The following ACSL4 variants were observed in gnomAD, a reference collection of about 807,000 sequenced individuals.
The protein encoded by ACSL4 is long-chain-fatty-acid--CoA ligase 4.
In ACSL4, 9 loss-of-function variants were observed where a neutral mutation model predicts 49.1. That is an observed-to-expected ratio of 0.18 (90% CI 0.11 to 0.32). The LOEUF (loss-of-function observed/expected upper bound fraction) is 0.32. Among genes scored for constraint, ACSL4 ranks in the 10% least tolerant of loss-of-function variants. The pLI is 1.00. For synonymous variants in ACSL4, 191 were observed against 170.3 expected (o/e 1.12, Z -0.95); for missense variants, 333 against 493.7 (o/e 0.67, Z 3.08).
chrX:109,643,934 C>T lies in ACSL4; in HGVS notation c.*95G>A, dbSNP rs1033848425. The stretch of plus-strand genomic sequence containing the variant: ...TTTACTCTATCTTTAGAATGATATA[C>T]CTTACATTCTAACAGTTCAACAAAG... On this transcript the variant is annotated 3_prime_UTR_variant, in exon 16 of 16. Transcript: ENST00000672401. The T allele has an allele frequency of 1.0e-6, 1 of 954,171 alleles. No individual in the cohort carries two copies. The highest frequency in any genetic ancestry group is 1.5e-6 in the Non-Finnish European group (1 of 664,021). The allele number at this position is 954,171 out of a possible 1,213,427, so 78.6% of individuals were successfully genotyped here.
chrX:109,686,772 G>A (rs1010638971), intron 2 of ACSL4, among the ~76,000 whole-genome samples: 3 of 103,649 alleles, frequency 2.9e-5, no homozygotes, highest in Non-Finnish European at 3.9e-5. Context: ...ACACACACAC[G>A]CATGCACACA....
At chrX:109,668,076 T>A (rs1603402749) in intron 11 of ACSL4, 25 bp downstream of exon 11, 1 of 1,141,756 alleles carries the variant, frequency 8.8e-7, no homozygotes, top group Non-Finnish European at 1.2e-6. Context: ...TGATACAGAA[T>A]ATTTACCACA....
intron 2 of ACSL4, among the ~76,000 whole-genome samples, chrX:109,693,634 T>C (rs1378545829): frequency 8.9e-6 from 1 of 112,339 alleles, no homozygotes; most frequent in African/African-American, 3.2e-5. Flanking sequence ...TCCCTCCACA[T>C]TCATTTGTTT....
chrX:109,711,347 T>C (rs772881238), intron 1 of ACSL4, among the ~76,000 whole-genome samples: 4 of 112,200 alleles, frequency 3.6e-5, no homozygotes, highest in African/African-American at 1.3e-4. Context: ...ATGCCCCAGC[T>C]GAGAGGCAAT....
intron 1 of ACSL4, among the ~76,000 whole-genome samples, chrX:109,730,193 T>C (rs745322434): frequency 8.9e-6 from 1 of 112,593 alleles, no homozygotes; most frequent in Non-Finnish European, 1.9e-5. Context: ...TGCATGAGGC[T>C]ATTATTGGGG....
chrX:109,647,492 T>C (rs1469768993), intron 15 of ACSL4, among the ~76,000 whole-genome samples: 7 of 111,396 alleles, frequency 6.3e-5, no homozygotes, highest in African/African-American at 1.6e-4. Context: ...AAAGACACAA[T>C]ATACCAGAAT....
chrX:109,662,573 T>C (rs1343167735), intron 13 of ACSL4, among the ~76,000 whole-genome samples: 1 of 111,089 alleles, frequency 9.0e-6, no homozygotes, highest in African/African-American at 3.3e-5. Context: ...TCCAAGTGAA[T>C]AGCACAAGGG....
rs753354212 is a variant in ACSL4 at position 109,678,109 on chromosome X, G to T, written c.809C>A (p.Pro270Gln). 8.3e-7 allele frequency: 1 copy of T among 1,211,044 alleles called. No homozygotes were observed. The highest frequency in any genetic ancestry group is 2.2e-5 in the Admixed American group (1 of 46,045). Residue 270 changes from proline to glutamine, a missense_variant and splice_region_variant, in exon 8 of 16, where the codon CCG becomes CAG. By Grantham distance (76) the Pro-to-Gln change is moderately conservative. Coordinates refer to ENST00000672401, the MANE Select transcript of ACSL4 (RefSeq NM_001318510.2). ...GQCERIPGLG[P>Q]KDTYIGYLPL... The stretch of plus-strand genomic sequence containing the variant: ...CAAGTAGCCAATATATGTGTCCTTC[G>T]GTCTAAAACAAAATAAGAGAAATAT...
chrX:109,645,156 G>C (rs1420884261), intron 15 of ACSL4, among the ~76,000 whole-genome samples: 1 of 113,235 alleles, frequency 8.8e-6, no homozygotes, highest in African/African-American at 3.2e-5. Context: ...AGCTCCAACT[G>C]GGTGGAGCCC....
intron 1 of ACSL4, among the ~76,000 whole-genome samples, chrX:109,703,918 TA>T (rs1323960577): frequency 2.6e-3 from 268 of 102,663 alleles, no homozygotes; most frequent in African/African-American, 7.2e-3. Flanking sequence ...CCATCTCAAA[TA>T]AAAAAAAAAA....
chrX:109,651,399 T>G (rs1019944025), intron 15 of ACSL4, among the ~76,000 whole-genome samples: 1 of 112,017 alleles, frequency 8.9e-6, no homozygotes, highest in African/African-American at 3.2e-5. Flanking sequence ...CTACGTTTTA[T>G]GAAAGCTTGA....
intron 9 of ACSL4, among the ~76,000 whole-genome samples, chrX:109,672,835 G>A (rs1291137723): frequency 9.1e-6 from 1 of 110,454 alleles, no homozygotes; most frequent in Non-Finnish European, 1.9e-5. Context: ...CAACCAACGG[G>A]AAGGAGACTA....
At chrX:109,650,649 G>A (rs1469378478) in intron 15 of ACSL4, among the ~76,000 whole-genome samples, 1 of 111,032 alleles carries the variant, frequency 9.0e-6, no homozygotes, top group Non-Finnish European at 1.9e-5. Flanking sequence ...TGCACATTGT[G>A]CACATGTACC....
intron 12 of ACSL4, among the ~76,000 whole-genome samples, chrX:109,664,810 T>C (rs1386690136): frequency 8.9e-6 from 1 of 111,980 alleles, no homozygotes; most frequent in African/African-American, 3.2e-5. Flanking sequence ...TAATTATTTG[T>C]TTTATTTAAC....
At chrX:109,690,328 T>C (rs1438026346) in intron 2 of ACSL4, among the ~76,000 whole-genome samples, 1 of 112,070 alleles carries the variant, frequency 8.9e-6, no homozygotes, top group Non-Finnish European at 1.9e-5. Context: ...ATCATGTATT[T>C]GTATGTCAGC....
intron 2 of ACSL4, among the ~76,000 whole-genome samples, chrX:109,684,705 G>T (rs1924448007): frequency 8.9e-6 from 1 of 111,952 alleles, no homozygotes; most frequent in Non-Finnish European, 1.9e-5. Context: ...GTGCAAAATG[G>T]CCAAGAGTAA....
intron 1 of ACSL4, among the ~76,000 whole-genome samples, chrX:109,730,480 T>C (rs888162379): frequency 2.7e-5 from 3 of 111,980 alleles, no homozygotes; most frequent in African/African-American, 9.8e-5. Context: ...TTGACTGTTG[T>C]TGTTTTTAAC....
chrX:109,647,029 G>A (rs938305197), intron 15 of ACSL4, among the ~76,000 whole-genome samples: 8 of 111,160 alleles, frequency 7.2e-5, no homozygotes, highest in African/African-American at 1.3e-4. Flanking sequence ...AAAGCAAGTC[G>A]TGAGTGACCT....
intron 1 of ACSL4, among the ~76,000 whole-genome samples, chrX:109,708,333 A>G (rs916164870): frequency 8.9e-6 from 1 of 112,484 alleles, no homozygotes; most frequent in Non-Finnish European, 1.9e-5. Context: ...TTAATAATAA[A>G]GTAGAAAATA....
Sources: allele counts gnomAD v4.1 joint callset (sites outside exome capture counted in the v4.1 genomes callset), GRCh38; gene constraint gnomAD v4.1.1; transcripts MANE v1.5; gene names NCBI Gene and HGNC (gene_info 2026-07-23, HGNC 2026-07-21).